Variants in NTAQ1 observed in about 807,000 individuals in gnomAD.
NTAQ1 encodes N-terminal glutamine amidase 1.
A neutral mutation model predicts 28.2 loss-of-function variants in NTAQ1; 21 were observed. That is an observed-to-expected ratio of 0.74 (90% CI 0.53 to 1.07). The LOEUF is 1.07. Among genes scored for constraint, NTAQ1 ranks in the 50% least tolerant of loss-of-function variants. NTAQ1 has a pLI of 0.00. For synonymous variants in NTAQ1, 105 were observed against 90.0 expected (o/e 1.17, Z -0.94); for missense variants, 264 against 256.6 (o/e 1.03, Z -0.20).
chr8:123,450,753 A>G (rs1390303611), downstream of NTAQ1, among the ~76,000 whole-genome samples: 1 of 131,848 alleles, frequency 7.6e-6, no homozygotes, highest in Admixed American at 7.9e-5. Flanking sequence ...CTCAGGCACC[A>G]CTCCAATAAC....
downstream of NTAQ1, among the ~76,000 whole-genome samples, chr8:123,470,528 G>A (rs1453723979): frequency 6.6e-6 from 1 of 152,202 alleles, no homozygotes; most frequent in Non-Finnish European, 1.5e-5. Flanking sequence ...AACCAGGTAG[G>A]TGCTTAAAAG....
intron 1 of NTAQ1, among the ~76,000 whole-genome samples, chr8:123,424,015 T>C (rs1256745359): frequency 6.6e-6 from 1 of 151,238 alleles, no homozygotes; most frequent in Non-Finnish European, 1.5e-5. Context: ...CCTGAGTAAC[T>C]GGGATTATAG....
chr8:123,435,713 A>G lies in NTAQ1; in HGVS notation c.235-740A>G, dbSNP rs901223745. Among the ~76,000 whole-genome samples, 5 of 151,966 alleles carry G rather than the reference A, an allele frequency of 3.3e-5. No homozygotes were observed. In the East Asian group the frequency reaches 9.6e-4, roughly 29 times the overall value. On this transcript the variant is annotated intron_variant, in intron 3 of 5. Transcript: ENST00000287387. ...GAAACACCATCTCTACTAAAAATAC[A>G]AAAATTAGCTGGGCGTGGTGGCGGG...
At chr8:123,460,289 G>A (rs753358566) in intron 6 of NTAQ1, among the ~76,000 whole-genome samples, 1 of 152,178 alleles carries the variant, frequency 6.6e-6, no homozygotes, top group Non-Finnish European at 1.5e-5. Flanking sequence ...TATGAAGTAG[G>A]AATGATTATT....
chr8:123,452,416 A>G (rs140855797), downstream of NTAQ1, among the ~76,000 whole-genome samples: 335 of 152,120 alleles, frequency 2.2e-3, 3 homozygotes, highest in African/African-American at 7.8e-3. Context: ...GGCCAACATG[A>G]TGAAACCCTG....
downstream of NTAQ1, among the ~76,000 whole-genome samples, chr8:123,444,193 T>C (rs1042503926): frequency 3.9e-5 from 6 of 152,038 alleles, no homozygotes; most frequent in Middle Eastern, 3.2e-3. Flanking sequence ...AAAGTAGAAT[T>C]TTGTTTGTTT....
At chr8:123,437,850 A>T (rs531004993) in intron 5 of NTAQ1, among the ~76,000 whole-genome samples, 1 of 152,300 alleles carries the variant, frequency 6.6e-6, no homozygotes, top group South Asian at 2.1e-4. Context: ...GTGGGAGAGG[A>T]AGGGTGTTAA....
intron 1 of NTAQ1, among the ~76,000 whole-genome samples, chr8:123,424,159 G>A (rs570995064): frequency 2.1e-5 from 3 of 142,940 alleles, no homozygotes; most frequent in Non-Finnish European, 4.5e-5. Context: ...TGCAACCTGT[G>A]CCTCCCGGGC....
rs944405586 is a variant in NTAQ1 at position 123,424,527 on chromosome 8, C to G, written c.84-3397C>G. On this transcript the variant is annotated intron_variant, in intron 1 of 5. Coordinates refer to ENST00000287387, the MANE Select transcript of NTAQ1 (RefSeq NM_018024.3). ...AGAGTGCTGGGATTACAGGCGTGAG[C>G]TGCTGCGCCTGGCCATTAATTTTTG... Among the ~76,000 whole-genome samples the G allele has an allele frequency of 3.9e-5, 6 of 152,178 alleles. No homozygotes were observed. In the South Asian group the frequency reaches 1.0e-3, roughly 26 times the overall value.
intron 3 of NTAQ1, among the ~76,000 whole-genome samples, chr8:123,433,708 A>G (rs537318070): frequency 6.4e-4 from 98 of 152,218 alleles, no homozygotes; most frequent in African/African-American, 2.4e-3. Context: ...TCGGCCTCCC[A>G]AAGTGCTGGG....
intron 6 of NTAQ1, among the ~76,000 whole-genome samples, chr8:123,464,774 AC>A (rs1300780703): frequency 1.3e-5 from 2 of 152,296 alleles, no homozygotes; most frequent in Admixed American, 6.5e-5. Context: ...TTGGCTGGGC[AC>A]TGTGGCTCAC....
intron 1 of NTAQ1, among the ~76,000 whole-genome samples, chr8:123,418,407 C>G (rs981733788): frequency 4.0e-5 from 6 of 148,884 alleles, no homozygotes. Flanking sequence ...GCTGATGCCA[C>G]TGCCCCTTCC....
intron 5 of NTAQ1, among the ~76,000 whole-genome samples, chr8:123,439,218 G>T (rs1814899559): frequency 6.6e-6 from 1 of 151,524 alleles, no homozygotes; most frequent in African/African-American, 2.4e-5. Flanking sequence ...GACTCTTGTT[G>T]CCCAGGCTGG....
intron 2 of NTAQ1, among the ~76,000 whole-genome samples, chr8:123,428,456 C>T (rs560080798): frequency 5.3e-4 from 81 of 152,274 alleles, no homozygotes; most frequent in Non-Finnish European, 7.9e-4. Flanking sequence ...CCTCAGCCCC[C>T]CAAAGTGCTG....
intron 1 of NTAQ1, among the ~76,000 whole-genome samples, chr8:123,422,640 T>A (rs1813778814): frequency 1.3e-5 from 2 of 150,654 alleles, no homozygotes; most frequent in South Asian, 4.2e-4. Flanking sequence ...CAGAGCTCTT[T>A]AGTTTAATTA....
intron 1 of NTAQ1, among the ~76,000 whole-genome samples, chr8:123,419,348 C>G (rs1813525335): frequency 6.6e-6 from 1 of 152,104 alleles, no homozygotes; most frequent in Non-Finnish European, 1.5e-5. Flanking sequence ...ATCCACCTGC[C>G]TCAGCCTCCC....
Position 123,416,822 on chromosome 8 carries a change from G to T in NTAQ1, c.-28G>T. On this transcript the variant is annotated 5_prime_UTR_variant, in exon 1 of 6. Coordinates refer to ENST00000287387, the MANE Select transcript of NTAQ1 (RefSeq NM_018024.3). ...GTCTGGTCCAGTCGGTCTTCCTCCG[G>T]CCCGGGCCCTGGCCCAGCTAGCCGG... 1 of 1,520,730 alleles carries T rather than the reference G, an allele frequency of 6.6e-7. No individual in the cohort carries two copies. The highest frequency in any genetic ancestry group is 1.4e-5 in the African/African-American group (1 of 70,272). The allele number at this position is 1,520,730 out of a possible 1,614,324, so 94.2% of individuals were successfully genotyped here.
intron 5 of NTAQ1, among the ~76,000 whole-genome samples, chr8:123,439,163 G>A (rs967127231): frequency 6.6e-6 from 1 of 152,030 alleles, no homozygotes; most frequent in Non-Finnish European, 1.5e-5. Context: ...CTGCCGAGGT[G>A]AGCACTGCCA....
chr8:123,431,070 G>A (rs1487331576), intron 3 of NTAQ1, among the ~76,000 whole-genome samples: 3 of 152,166 alleles, frequency 2.0e-5, no homozygotes, highest in African/African-American at 7.2e-5. Context: ...GGGCACGGTG[G>A]CTCATGCCTA....
Sources: gnomAD v4.1 joint callset for allele counts (sites outside exome capture counted in the v4.1 genomes callset) on GRCh38, gnomAD v4.1.1 for gene constraint, MANE v1.5 for transcripts, NCBI Gene and HGNC (gene_info 2026-07-23, HGNC 2026-07-21) for gene names.